The following MAP2 variants were observed in gnomAD, a reference collection of about 807,000 sequenced individuals.
MAP2 encodes the protein microtubule associated protein 2.
A neutral mutation model predicts 137.6 loss-of-function variants in MAP2; 14 were observed. The observed-to-expected ratio is 0.10, with a 90% CI of 0.07 to 0.16. MAP2 has a LOEUF of 0.16. Among genes scored for constraint, MAP2 ranks in the 10% least tolerant of loss-of-function variants. MAP2 has a pLI of 1.00. For missense variants in MAP2, 2,088 were observed against 2,191.5 expected, an observed-to-expected ratio of 0.95 and a Z score of 0.94; for synonymous variants, 786 against 782.3, an observed-to-expected ratio of 1.00 and a Z score of -0.08.
chr2:209,459,147 A>T (rs569029888), intron 1 of MAP2, among the ~76,000 whole-genome samples: 3 of 152,294 alleles, frequency 2.0e-5, no homozygotes, highest in South Asian at 2.1e-4. Flanking sequence ...AGAATGAGTT[A>T]TGTAGTCCAA....
At chr2:209,579,735 G>GCT (rs2075973480) in intron 2 of MAP2, 1 of 152,146 alleles carries the variant, frequency 6.6e-6, no homozygotes, top group Admixed American at 6.5e-5. Context: ...AGACTTGAGT[G>GCT]GTATTGCTGC....
At chr2:209,458,847 G>A (rs1399486717) in intron 1 of MAP2, among the ~76,000 whole-genome samples, 1 of 152,110 alleles carries the variant, frequency 6.6e-6, no homozygotes, top group Admixed American at 6.5e-5. Flanking sequence ...GTAACTTTGT[G>A]TAAGTGCTCT....
chr2:209,529,112 A>C (rs879478807), intron 2 of MAP2, among the ~76,000 whole-genome samples: 1 of 152,026 alleles, frequency 6.6e-6, no homozygotes, highest in African/African-American at 2.4e-5. Context: ...GCTATAGTAC[A>C]CATTAGAACT....
intron 7 of MAP2, among the ~76,000 whole-genome samples, chr2:209,684,201 A>G (rs928289222): frequency 1.3e-5 from 2 of 152,210 alleles, no homozygotes; most frequent in African/African-American, 4.8e-5. Flanking sequence ...CTGTGAAGGA[A>G]TGGAATAATC....
intron 4 of MAP2, among the ~76,000 whole-genome samples, chr2:209,647,328 TCATGGTAC>T (rs2094482071): frequency 6.6e-6 from 1 of 152,096 alleles, no homozygotes; most frequent in Non-Finnish European, 1.5e-5. Context: ...AATTCATAAT[TCATGGTAC>T]CAAAACCTTT....
chr2:209,528,982 AAAAGCCT>A (rs1395799207), intron 2 of MAP2, among the ~76,000 whole-genome samples: 1 of 151,878 alleles, frequency 6.6e-6, no homozygotes, highest in Non-Finnish European at 1.5e-5. Flanking sequence ...TCACATTTTA[AAAAGCCT>A]AATCACATAT....
chr2:209,476,794 A>G (rs1707354119), intron 1 of MAP2, among the ~76,000 whole-genome samples: 1 of 152,160 alleles, frequency 6.6e-6, no homozygotes, highest in African/African-American at 2.4e-5. Flanking sequence ...TTTCTTTATT[A>G]CAATTGATCT....
At chr2:209,655,851 A>G (rs73984097) in intron 5 of MAP2, among the ~76,000 whole-genome samples, 93 of 152,338 alleles carry the variant, frequency 6.1e-4, no homozygotes, top group African/African-American at 2.2e-3. Flanking sequence ...CCACAGCTAT[A>G]TGTTGTAATA....
intron 5 of MAP2, among the ~76,000 whole-genome samples, chr2:209,667,097 G>A (rs2046662962): frequency 6.7e-6 from 1 of 149,852 alleles, no homozygotes; most frequent in Admixed American, 6.6e-5. Context: ...AAAATGTTGA[G>A]GTATTTCTTG....
In MAP2 at chr2:209,694,219, TAGC is replaced by T. The variant is rs2059640928; in HGVS notation, c.2052_2054del (p.Ser684del). The T allele has an allele frequency of 6.2e-7, 1 of 1,613,958 alleles. No individual in the cohort carries two copies. The highest frequency in any genetic ancestry group is 1.7e-5 in the Admixed American group (1 of 59,992). Reference sequence around the variant, plus strand: ...GTAAGAATAAGGATGATTTGACCCTTAGCAGGAGTTTAGGACTTGGTGGTAGGT... The same window carrying T: ...GTAAGAATAAGGATGATTTGACCCTTAGGAGTTTAGGACTTGGTGGTAGGT... On this transcript the variant is annotated inframe_deletion, in exon 8 of 16. Coordinates refer to ENST00000682079, the MANE Select transcript of MAP2 (RefSeq NM_001375505.1).
chr2:209,644,477 C>T (rs1367775572), intron 4 of MAP2, among the ~76,000 whole-genome samples: 1 of 151,842 alleles, frequency 6.6e-6, no homozygotes, highest in African/African-American at 2.4e-5. Flanking sequence ...CCTCTTAACC[C>T]AATTTGCTAT....
At chr2:209,612,580 C>CA (rs1394690101) in intron 3 of MAP2, among the ~76,000 whole-genome samples, 17 of 152,264 alleles carry the variant, frequency 1.1e-4, no homozygotes, top group African/African-American at 3.8e-4. Flanking sequence ...TGCCATATAA[C>CA]AGCAGAAATA....
At chr2:209,717,975 A>G (rs2068439009) in intron 13 of MAP2, among the ~76,000 whole-genome samples, 1 of 152,162 alleles carries the variant, frequency 6.6e-6, no homozygotes, top group African/African-American at 2.4e-5. Flanking sequence ...TTGTAAAAAT[A>G]CTGTTGGTCA....
At chr2:209,591,383 C>T (rs1168003148) in intron 3 of MAP2, among the ~76,000 whole-genome samples, 1 of 152,150 alleles carries the variant, frequency 6.6e-6, no homozygotes, top group African/African-American at 2.4e-5. Context: ...ATCTGGCTCA[C>T]AATGACAATA....
intron 3 of MAP2, among the ~76,000 whole-genome samples, chr2:209,582,703 A>AAAAATTCTGT: frequency 6.7e-6 from 1 of 148,982 alleles, no homozygotes; most frequent in South Asian, 2.1e-4. Context: ...AGATAGATAG[A>AAAAATTCTGT]ATATTTTCTG....
chr2:209,622,681 G>A (rs2091485459), intron 3 of MAP2, among the ~76,000 whole-genome samples: 1 of 145,428 alleles, frequency 6.9e-6, no homozygotes, highest in South Asian at 2.2e-4. Context: ...CTATTTATAT[G>A]GGTACAAAGG....
At chr2:209,612,964 C>G (rs2087498836) in intron 3 of MAP2, among the ~76,000 whole-genome samples, 1 of 152,084 alleles carries the variant, frequency 6.6e-6, no homozygotes, top group South Asian at 2.1e-4. Context: ...AAAGTTATAT[C>G]AGGATCTAAT....
chr2:209,521,087 T>G (rs1488694034), intron 2 of MAP2, among the ~76,000 whole-genome samples: 3 of 152,096 alleles, frequency 2.0e-5, no homozygotes, highest in Non-Finnish European at 4.4e-5. Flanking sequence ...TTTATAGTAT[T>G]GAGGCAGGCT....
chr2:209,698,972 T>C (rs1487660262), intron 10 of MAP2, among the ~76,000 whole-genome samples: 1 of 152,222 alleles, frequency 6.6e-6, no homozygotes, highest in African/African-American at 2.4e-5. Flanking sequence ...GTATTCAATT[T>C]GCCACATTTA....
Sources: allele counts gnomAD v4.1 joint callset (sites outside exome capture counted in the v4.1 genomes callset), GRCh38; gene constraint gnomAD v4.1.1; transcripts MANE v1.5; gene names NCBI Gene and HGNC (gene_info 2026-07-23, HGNC 2026-07-21).